Variants in ABL1 observed in about 807,000 individuals in gnomAD.
The protein encoded by ABL1 is ABL proto-oncogene 1, non-receptor tyrosine kinase, also known as tyrosine-protein kinase ABL1.
ABL1 carries 11 observed loss-of-function variants against 94.7 expected under a neutral mutation model. The ratio of observed to expected loss-of-function variants is 0.12; its 90% CI spans 0.07 to 0.19. ABL1 has a LOEUF of 0.19. Ranked by LOEUF, ABL1 falls within the 10% of genes least tolerant of loss-of-function variation. The pLI is 1.00. For missense variants in ABL1, 1,082 were observed against 1,489.4 expected (o/e 0.73, Z 4.50); for synonymous variants, 656 against 622.4 (o/e 1.05, Z -0.80).
At chr9:130,850,537 C>T (rs755517915) in intron 1 of ABL1, among the ~76,000 whole-genome samples, 2 of 152,170 alleles carry the variant, frequency 1.3e-5, no homozygotes, top group Non-Finnish European at 2.9e-5. Flanking sequence ...AATGGAGTCT[C>T]ACTCTGTTGC....
chr9:130,868,934 G>A (rs997489971), intron 4 of ABL1, among the ~76,000 whole-genome samples: 21 of 152,086 alleles, frequency 1.4e-4, no homozygotes, highest in African/African-American at 4.8e-4. Flanking sequence ...CTGGGAGGCC[G>A]AGGAGGGCAG....
chr9:130,835,051 CCGCGGGCCGCG>C (rs1554767240), upstream of ABL1: 1 of 324,208 alleles, frequency 3.1e-6, no homozygotes, highest in South Asian at 2.2e-5. This position sits in a 1 kb window ranked among gnomAD's most constrained non-coding sequence, Gnocchi z 4.6. Context: ...AGAAAGACCT[CCGCGGGCCGCG>C]CGCGGCCTTC....
intron 1 of ABL1, among the ~76,000 whole-genome samples, chr9:130,770,643 T>C (rs991929174): frequency 5.3e-5 from 8 of 152,262 alleles, no homozygotes; most frequent in African/African-American, 1.9e-4. Flanking sequence ...GCTTACTGTG[T>C]GCAGGCACTG....
chr9:130,873,550 A>G (rs941535375), intron 6 of ABL1, among the ~76,000 whole-genome samples: 2 of 152,020 alleles, frequency 1.3e-5, no homozygotes, highest in African/African-American at 4.8e-5. Context: ...TTCATTCTCC[A>G]CTTAACTTGC....
At chr9:130,813,493 T>TCG (rs1830239509) in intron 1 of ABL1, among the ~76,000 whole-genome samples, 1 of 125,398 alleles carries the variant, frequency 8.0e-6, no homozygotes, top group Non-Finnish European at 1.6e-5. Context: ...CCCGGGAGGA[T>TCG]GAGGTTGCAG....
At chr9:130,854,755 C>A in intron 2 of ABL1, 46 bp from the exon 3 acceptor site, 1 of 1,553,996 alleles carries the variant, frequency 6.4e-7, no homozygotes, top group Non-Finnish European at 8.7e-7. Flanking sequence ...AAGAACGAAG[C>A]TGGTTTCCAA....
intron 1 of ABL1, among the ~76,000 whole-genome samples, chr9:130,741,608 A>G (rs1831819948): frequency 6.6e-6 from 1 of 152,026 alleles, no homozygotes; most frequent in Non-Finnish European, 1.5e-5. Context: ...CTGGTATACC[A>G]GTTACCATGC....
chr9:130,866,511 C>A (rs540433001), intron 4 of ABL1, among the ~76,000 whole-genome samples: 2 of 152,262 alleles, frequency 1.3e-5, no homozygotes, highest in East Asian at 3.9e-4. Context: ...CAGCCTGTTT[C>A]CTATCGCTGG....
chr9:130,739,863 T>C (rs1831794849), intron 1 of ABL1, among the ~76,000 whole-genome samples: 1 of 152,058 alleles, frequency 6.6e-6, no homozygotes, highest in African/African-American at 2.4e-5. Context: ...GCCTCCAACA[T>C]AGGGAGACCC....
intron 1 of ABL1, among the ~76,000 whole-genome samples, chr9:130,716,182 C>T (rs1276736586): frequency 4.1e-5 from 6 of 145,772 alleles, no homozygotes; most frequent in Non-Finnish European, 7.5e-5. Flanking sequence ...GTAACTTCTG[C>T]CTCCTGGGTT....
chr9:130,854,773 ATGTCTGATT>A lies in ABL1; in HGVS notation c.254-25_254-17del. The A allele has an allele frequency of 6.3e-7, 1 of 1,591,316 alleles. No homozygotes were observed. The highest frequency in any genetic ancestry group is 1.7e-5 in the Admixed American group (1 of 57,338). On this transcript the variant is annotated intron_variant, in intron 2 of 10. Transcript: ENST00000318560. ...AACGAAGCTGGTTTCCAAAGCTGAT[ATGTCTGATT>A]TGGTTCCTTTCTTCTCAGGTGAAAA...
At position 130,885,031 on chromosome 9, in the gene ABL1, C is replaced by T. The variant is rs375599661; in HGVS notation, c.2741C>T (p.Pro914Leu). The T allele has an allele frequency of 1.0e-4, 162 of 1,611,032 alleles. 1 individual carries two copies. The highest frequency in any genetic ancestry group is 1.4e-4 in the Non-Finnish European group (160 of 1,179,224). Residue 914 changes from proline to leucine, a missense_variant, in exon 11 of 11, where the codon CCC (proline) becomes CTC (leucine). Physicochemically the swap from Pro to Leu is moderately conservative, Grantham distance 98. Coordinates refer to ENST00000318560, the MANE Select transcript of ABL1 (RefSeq NM_005157.6). ...TCTGCAGGGAAGGCTGGAGGAAAGCCCTCGCAGAGCCCGAGCCAGGAGGCG... is the reference window on the plus strand; with the variant it reads ...TCTGCAGGGAAGGCTGGAGGAAAGCTCTCGCAGAGCCCGAGCCAGGAGGCG... Reference protein sequence around the residue: ...AASAGKAGGKPSQSPSQEAAG... With the variant: ...AASAGKAGGKLSQSPSQEAAG...
chr9:130,765,638 C>T (rs34892976), intron 1 of ABL1, among the ~76,000 whole-genome samples: 7 of 152,244 alleles, frequency 4.6e-5, no homozygotes, highest in Admixed American at 3.9e-4. Context: ...AGTGACGGAT[C>T]AGTATTCATT....
At chr9:130,804,294 T>G (rs60472654) in intron 1 of ABL1, among the ~76,000 whole-genome samples, 37,743 of 151,628 alleles carry the variant, frequency 0.25, 6,133 homozygotes, top group African/African-American at 0.47. Flanking sequence ...AGGAGGCGGA[T>G]CTCGGCAGTG....
At chr9:130,871,551 T>C (rs1831251576) in intron 4 of ABL1, among the ~76,000 whole-genome samples, 1 of 152,238 alleles carries the variant, frequency 6.6e-6, no homozygotes, top group African/African-American at 2.4e-5. Context: ...CAGACAGTGA[T>C]GACTGCTTCA....
intron 1 of ABL1, among the ~76,000 whole-genome samples, chr9:130,749,153 G>A (rs1456718801): frequency 6.6e-6 from 1 of 152,014 alleles, no homozygotes; most frequent in Non-Finnish European, 1.5e-5. Context: ...AATACATTGT[G>A]CTCAGTTCTT....
chr9:130,832,398 C>T (rs747701349), upstream of ABL1, among the ~76,000 whole-genome samples: 8 of 151,920 alleles, frequency 5.3e-5, no homozygotes, highest in Admixed American at 4.6e-4. Context: ...GTTTTCCCAA[C>T]AGTTAATGTT....
rs1469594483 is a variant in ABL1 at position 130,814,273 on chromosome 9, G to T, written c.137-39791G>T. ...TTGCACTCCACCCTAGCGACAGAACGAGACTCCGTCTCAAAAAAAAAAGAA... is the reference window on the plus strand; with the variant it reads ...TTGCACTCCACCCTAGCGACAGAACTAGACTCCGTCTCAAAAAAAAAAGAA... On this transcript the variant is annotated intron_variant, in intron 1 of 10. Coordinates refer to the ABL1 transcript ENST00000372348. This position sits in a 1 kb window ranked among gnomAD's most constrained non-coding sequence, Gnocchi z 4.4. Among the ~76,000 whole-genome samples the T allele has an allele frequency of 2.7e-5, 4 of 148,670 alleles. No individual in the cohort carries two copies. Among genetic ancestry groups the T allele is most frequent in the Non-Finnish European group, 5.9e-5 (4 of 67,754 alleles).
At chr9:130,753,046 G>A (rs896318134) in intron 1 of ABL1, among the ~76,000 whole-genome samples, 52 of 151,996 alleles carry the variant, frequency 3.4e-4, no homozygotes, top group African/African-American at 1.1e-3. Flanking sequence ...CACGAGGTCA[G>A]GAGATCGAGA....
Sources: allele counts gnomAD v4.1 joint callset (sites outside exome capture counted in the v4.1 genomes callset), GRCh38; gene constraint gnomAD v4.1.1; non-coding constraint Gnocchi (gnomAD v3.1); transcripts MANE v1.5; gene names NCBI Gene and HGNC (gene_info 2026-07-23, HGNC 2026-07-21).